FHIT: variants seen among roughly 807,000 people sequenced by gnomAD.
FHIT encodes the protein bis(5'-adenosyl)-triphosphatase.
Under a neutral mutation model 17.9 loss-of-function variants are expected in FHIT, and 19 were observed. The observed-to-expected ratio is 1.06, with a 90% CI of 0.74 to 1.56. The LOEUF is 1.56. Among genes scored for constraint, FHIT ranks in the 40% most tolerant of loss-of-function variants. FHIT has a pLI of 0.00. For missense variants in FHIT, 248 were observed against 189.2 expected, an observed-to-expected ratio of 1.31 and a Z score of -1.82; for synonymous variants, 81 against 69.7, an observed-to-expected ratio of 1.16 and a Z score of -0.81.
intron 2 of FHIT, among the ~76,000 whole-genome samples, chr3:61,178,378 T>C (rs1477117456): frequency 6.6e-6 from 1 of 151,676 alleles, no homozygotes; most frequent in Non-Finnish European, 1.5e-5. Flanking sequence ...AATGTGTTGC[T>C]GAGAAGGTGG....
At chr3:60,276,254 G>A (rs1329840152) in intron 5 of FHIT, among the ~76,000 whole-genome samples, 2 of 152,104 alleles carry the variant, frequency 1.3e-5, no homozygotes, top group Non-Finnish European at 2.9e-5. Context: ...CTAAAGTACT[G>A]GGATTACAGG....
rs542191807 is a variant in FHIT at position 59,980,982 on chromosome 3, C to A, written c.279+30389G>T. The stretch of plus-strand genomic sequence containing the variant: ...TGAAAATAACATTAGTTTCTCTTGA[C>A]AACCTTTGTAGTTATGTTACCCAAA... On this transcript the variant is annotated intron_variant, in intron 7 of 9. Coordinates refer to ENST00000492590, the MANE Select transcript of FHIT (RefSeq NM_002012.4). Among the ~76,000 whole-genome samples the A allele has an allele frequency of 2.6e-5, 4 of 152,208 alleles. No homozygotes were observed. The South Asian group carries it at 8.3e-4, about 32-fold the overall frequency.
chr3:60,439,807 T>G (rs1197418925), intron 5 of FHIT, among the ~76,000 whole-genome samples: 2 of 152,108 alleles, frequency 1.3e-5, no homozygotes, highest in Admixed American at 6.6e-5. Context: ...GACTTGCTGC[T>G]CAAGAAACAA....
chr3:59,833,405 G>A (rs1209571805), intron 8 of FHIT, among the ~76,000 whole-genome samples: 1 of 152,170 alleles, frequency 6.6e-6, no homozygotes, highest in Non-Finnish European at 1.5e-5. Context: ...AGATTGGAGT[G>A]ATGCAGCTAC....
At chr3:60,751,096 T>C (rs2042456744) in intron 4 of FHIT, among the ~76,000 whole-genome samples, 1 of 152,142 alleles carries the variant, frequency 6.6e-6, no homozygotes, top group Non-Finnish European at 1.5e-5. Context: ...AACCCTAGGG[T>C]GGGACCCTTT....
At chr3:60,224,941 G>C (rs1050142176) in intron 5 of FHIT, among the ~76,000 whole-genome samples, 1 of 151,804 alleles carries the variant, frequency 6.6e-6, no homozygotes, top group African/African-American at 2.4e-5. Flanking sequence ...GACTGGTCTC[G>C]AACTCCTGAC....
In FHIT at chr3:60,150,580, G is replaced by A. The variant is rs80122920; in HGVS notation, c.104-136428C>T. On this transcript the variant is annotated intron_variant, in intron 5 of 9. Transcript: ENST00000492590. ...CAGGTGATTCTCCCACCTCAGTCTC[G>A]AAAGTCGCTGAGACTATAGGTGTGC... is the stretch of plus-strand genomic sequence containing the variant. 7.4e-3 allele frequency among the ~76,000 whole-genome samples: 1,133 copies of A among 152,220 alleles called. 10 individuals are homozygous for A. Among genetic ancestry groups the A allele is most frequent in the Non-Finnish European group, 0.013 (851 of 68,018 alleles).
intron 4 of FHIT, among the ~76,000 whole-genome samples, chr3:60,775,991 C>T (rs1553724358): frequency 6.6e-6 from 1 of 152,062 alleles, no homozygotes; most frequent in African/African-American, 2.4e-5. Context: ...TGTTTCTTTT[C>T]TTTCCCCTTC....
intron 3 of FHIT, among the ~76,000 whole-genome samples, chr3:61,007,845 G>A (rs991373010): frequency 2.6e-5 from 4 of 152,112 alleles, no homozygotes; most frequent in African/African-American, 9.7e-5. Flanking sequence ...CAGAGGTTCT[G>A]GGGAGATATA....
chr3:60,596,714 T>C (rs143702275), intron 4 of FHIT, among the ~76,000 whole-genome samples: 2 of 152,204 alleles, frequency 1.3e-5, no homozygotes, highest in East Asian at 3.9e-4. Flanking sequence ...AGTCTAACAA[T>C]AGTACTAGAC....
chr3:60,450,176 T>C (rs1159750209), intron 5 of FHIT, among the ~76,000 whole-genome samples: 2 of 141,708 alleles, frequency 1.4e-5, no homozygotes, highest in Non-Finnish European at 1.5e-5. Flanking sequence ...CTGTAGACTT[T>C]AATAAGCACT....
intron 5 of FHIT, among the ~76,000 whole-genome samples, chr3:60,257,337 C>T (rs1449702173): frequency 6.6e-6 from 1 of 152,086 alleles, no homozygotes; most frequent in Non-Finnish European, 1.5e-5. Context: ...GAAACGTTAC[C>T]CTGGAATTCA....
chr3:59,993,738 G>A lies in FHIT; in HGVS notation c.279+17633C>T, dbSNP rs1699388726. Among the ~76,000 whole-genome samples, 3 of 151,850 alleles carry A rather than the reference G, an allele frequency of 2.0e-5. 1 individual carries two copies. In the South Asian group the frequency reaches 6.3e-4, roughly 32 times the overall value. On this transcript the variant is annotated intron_variant, in intron 7 of 9. Transcript: ENST00000492590. ...ACTCCCCCAACATTTTCTTGATGTT[G>A]GAGGTGTAACGGGGTCTCAGTTCCT... is the stretch of plus-strand genomic sequence containing the variant.
intron 3 of FHIT, among the ~76,000 whole-genome samples, chr3:60,889,164 T>C (rs782625502): frequency 6.6e-6 from 1 of 151,854 alleles, no homozygotes; most frequent in Admixed American, 6.6e-5. Context: ...TGCATAACCA[T>C]TTTTTTTCCC....
chr3:61,186,010 T>C (rs1226447792), intron 2 of FHIT, among the ~76,000 whole-genome samples: 1 of 152,218 alleles, frequency 6.6e-6, no homozygotes, highest in Non-Finnish European at 1.5e-5. Flanking sequence ...AGAAGCATTT[T>C]CATTAAAACA....
chr3:60,130,910 T>TATATGTATAC (rs1699538182), intron 5 of FHIT, among the ~76,000 whole-genome samples: 2 of 142,430 alleles, frequency 1.4e-5, no homozygotes, highest in African/African-American at 5.0e-5. Flanking sequence ...TATATACACA[T>TATATGTATAC]ATATGTATAC....
chr3:59,835,954 G>A (rs555260158), intron 8 of FHIT, among the ~76,000 whole-genome samples: 1 of 152,278 alleles, frequency 6.6e-6, no homozygotes, highest in East Asian at 1.9e-4. Context: ...TAATCTAGGA[G>A]GGGATGGTTC....
At chr3:59,855,761 A>C (rs1035242422) in intron 8 of FHIT, among the ~76,000 whole-genome samples, 16 of 152,050 alleles carry the variant, frequency 1.1e-4, no homozygotes, top group African/African-American at 3.9e-4. Context: ...CTTTGATAAA[A>C]TAATTAATAG....
chr3:60,945,357 C>T (rs1036279660), intron 3 of FHIT, among the ~76,000 whole-genome samples: 2 of 152,018 alleles, frequency 1.3e-5, no homozygotes, highest in African/African-American at 4.8e-5. Context: ...TAGCAAAAAG[C>T]CTGAATTTAA....
Sources: gnomAD v4.1 joint callset for allele counts (sites outside exome capture counted in the v4.1 genomes callset) on GRCh38, gnomAD v4.1.1 for gene constraint, MANE v1.5 for transcripts, NCBI Gene and HGNC (gene_info 2026-07-23, HGNC 2026-07-21) for gene names.